The following SDC2 variants were observed in gnomAD, a reference collection of about 807,000 sequenced individuals.
The protein encoded by SDC2 is syndecan-2.
SDC2 carries 13 observed loss-of-function variants against 22.2 expected under a neutral mutation model. The observed-to-expected ratio is 0.59, with a 90% confidence interval of 0.38 to 0.93. SDC2 has a LOEUF of 0.93. Ranked by LOEUF, SDC2 falls within the 40% of genes least tolerant of loss-of-function variation. The probability of loss-of-function intolerance (pLI) is 0.00; values close to 1 mark genes in which losing one functional copy is unlikely to be tolerated. For synonymous variants in SDC2, 94 were observed against 92.8 expected, an observed-to-expected ratio of 1.01 and a Z score of -0.07; for missense variants, 235 against 246.8, an observed-to-expected ratio of 0.95 and a Z score of 0.32.
chr8:96,558,464 G>T (rs1472775044), intron 1 of SDC2, among the ~76,000 whole-genome samples: 1 of 152,104 alleles, frequency 6.6e-6, no homozygotes, highest in East Asian at 1.9e-4. Context: ...CAGAATTTCT[G>T]AATTTCACCG....
intron 2 of SDC2, among the ~76,000 whole-genome samples, chr8:96,596,480 T>TA (rs1307730798): frequency 1.3e-5 from 2 of 152,194 alleles, no homozygotes; most frequent in African/African-American, 4.8e-5. Flanking sequence ...AAACCCTTCA[T>TA]AAGCATTTGC....
At chr8:96,583,425 A>C (rs966763410) in intron 1 of SDC2, among the ~76,000 whole-genome samples, 3 of 106,306 alleles carry the variant, frequency 2.8e-5, no homozygotes, top group African/African-American at 4.0e-5. Flanking sequence ...TTGTGTTTGG[A>C]TGTATTCGCT....
At chr8:96,540,508 C>CA (rs1458830819) in intron 1 of SDC2, among the ~76,000 whole-genome samples, 1 of 76,370 alleles carries the variant, frequency 1.3e-5, no homozygotes, top group Non-Finnish European at 3.7e-5. Context: ...GACCCCGCCT[C>CA]CAAAAAAAAA....
At chr8:96,581,617 G>T (rs998310533) in intron 1 of SDC2, among the ~76,000 whole-genome samples, 1 of 149,822 alleles carries the variant, frequency 6.7e-6, no homozygotes. Context: ...GGGCGACAGA[G>T]CGAGACTCTG....
chr8:96,534,700 G>A (rs1235923387), intron 1 of SDC2, among the ~76,000 whole-genome samples: 1 of 151,886 alleles, frequency 6.6e-6, no homozygotes, highest in Non-Finnish European at 1.5e-5. Flanking sequence ...GCCTCCAAGA[G>A]TGCTGGGATT....
chr8:96,608,580 A>G (rs1338069122), intron 4 of SDC2, 110 bp downstream of exon 4: 1 of 999,026 alleles, frequency 1.0e-6, no homozygotes, highest in Non-Finnish European at 1.4e-6. Flanking sequence ...TGCTGAAAGC[A>G]GTCTTGTGGG....
Position 96,585,825 on chromosome 8 carries a change from G to A in SDC2, c.61-7655G>A, listed in dbSNP as rs575786005. 6.9e-4 allele frequency among the ~76,000 whole-genome samples: 104 copies of A among 151,054 alleles called. 1 individual carries two copies. Among genetic ancestry groups the A allele is most frequent in the African/African-American group, 2.3e-3 (94 of 41,126 alleles). On this transcript the variant is annotated intron_variant, in intron 1 of 4. Coordinates refer to ENST00000302190, the MANE Select transcript of SDC2 (RefSeq NM_002998.4). ...ATATTGAATCATGACTACAAGTTTA[G>A]ATGTGCCAAGTAATCCTCTGGCAAG...
At chr8:96,573,920 C>G (rs1487410519) in intron 1 of SDC2, among the ~76,000 whole-genome samples, 2 of 152,004 alleles carry the variant, frequency 1.3e-5, no homozygotes, top group African/African-American at 4.8e-5. Flanking sequence ...CACACCCTAC[C>G]CTTTATCACA....
chr8:96,570,149 A>G (rs1418912703), intron 1 of SDC2, among the ~76,000 whole-genome samples: 1 of 152,182 alleles, frequency 6.6e-6, no homozygotes, highest in Admixed American at 6.5e-5. Context: ...ATAGATGATG[A>G]GCCTGAGGTG....
chr8:96,555,876 G>A (rs977711725), intron 1 of SDC2, among the ~76,000 whole-genome samples: 5 of 152,106 alleles, frequency 3.3e-5, no homozygotes, highest in Admixed American at 6.5e-5. Context: ...GTTTGTTTCA[G>A]GGAAGGTTTG....
intron 1 of SDC2, among the ~76,000 whole-genome samples, chr8:96,494,551 G>A (rs1012933437): frequency 2.6e-5 from 4 of 152,228 alleles, no homozygotes; most frequent in Admixed American, 2.6e-4. Context: ...CCGCGGGAAT[G>A]GGGGCACCGA....
chr8:96,569,294 C>A (rs767348429), intron 1 of SDC2, among the ~76,000 whole-genome samples: 5 of 152,214 alleles, frequency 3.3e-5, no homozygotes, highest in Non-Finnish European at 5.9e-5. Context: ...CAGGCATGAG[C>A]CACCACTCTC....
intron 1 of SDC2, among the ~76,000 whole-genome samples, chr8:96,582,836 CG>C (rs149944603): frequency 6.6e-6 from 1 of 152,272 alleles, no homozygotes; most frequent in East Asian, 1.9e-4. Context: ...TGCTGGGAAA[CG>C]GAGCAAGCTC....
At chr8:96,585,769 G>A (rs753923830) in intron 1 of SDC2, among the ~76,000 whole-genome samples, 22 of 151,944 alleles carry the variant, frequency 1.4e-4, no homozygotes, top group Non-Finnish European at 2.5e-4. Context: ...CGTACATACA[G>A]CAAGGACCCT....
intron 1 of SDC2, among the ~76,000 whole-genome samples, chr8:96,534,851 A>T (rs1037673005): frequency 6.6e-6 from 1 of 152,016 alleles, no homozygotes; most frequent in Non-Finnish European, 1.5e-5. Context: ...TGTTGCTCAT[A>T]TCTTTGCTAC....
intron 2 of SDC2, 22 bp downstream of exon 2, chr8:96,593,613 A>G (rs1814823208): frequency 7.0e-7 from 1 of 1,435,012 alleles, no homozygotes; most frequent in African/African-American, 1.4e-5. Flanking sequence ...GCTTCTAAAC[A>G]CTGGACCTCA....
At chr8:96,588,598 T>C (rs1185992777) in intron 1 of SDC2, among the ~76,000 whole-genome samples, 1 of 152,258 alleles carries the variant, frequency 6.6e-6, no homozygotes, top group African/African-American at 2.4e-5. Flanking sequence ...TGTGATGTGA[T>C]ACAGAAATGT....
chr8:96,494,621 C>A (rs907409178), intron 1 of SDC2, among the ~76,000 whole-genome samples: 2 of 152,086 alleles, frequency 1.3e-5, no homozygotes, highest in Non-Finnish European at 2.9e-5. Context: ...TCTTCGCCCT[C>A]GGCGGGTCTT....
chr8:96,511,059 T>C (rs981379590), intron 1 of SDC2, among the ~76,000 whole-genome samples: 2 of 152,162 alleles, frequency 1.3e-5, no homozygotes, highest in Non-Finnish European at 2.9e-5. Context: ...GAAATGGAGA[T>C]TCTGGGCCTC....
Sources: gnomAD v4.1 joint callset for allele counts (sites outside exome capture counted in the v4.1 genomes callset) on GRCh38, gnomAD v4.1.1 for gene constraint, MANE v1.5 for transcripts, NCBI Gene and HGNC (gene_info 2026-07-23, HGNC 2026-07-21) for gene names.